RAPGEFL1: variants seen among roughly 807,000 people sequenced by gnomAD.
RAPGEFL1 encodes the protein rap guanine nucleotide exchange factor-like 1.
A neutral mutation model predicts 64.4 loss-of-function variants in RAPGEFL1; 31 were observed. That is an observed-to-expected ratio of 0.48 (90% confidence interval 0.36 to 0.65). The LOEUF is 0.65. RAPGEFL1 is among the 30% of genes least tolerant of loss of function. The pLI, the probability that RAPGEFL1 is intolerant of heterozygous loss-of-function variation, is 0.00. For synonymous variants in RAPGEFL1, 331 were observed against 274.1 expected (o/e 1.21, Z -2.05); for missense variants, 682 against 677.4 (o/e 1.01, Z -0.08).
rs1163161075 is a variant in RAPGEFL1 at position 40,191,896 on chromosome 17, G to A, written c.1605+224G>A. Among the ~76,000 whole-genome samples, 1 of 152,238 alleles carries A rather than the reference G, an allele frequency of 6.6e-6. No individual in the cohort carries two copies. Among genetic ancestry groups the A allele is most frequent in the Non-Finnish European group, 1.5e-5 (1 of 68,040 alleles). On this transcript the variant is annotated intron_variant, in intron 10 of 14. Coordinates refer to ENST00000620260, the MANE Select transcript of RAPGEFL1 (RefSeq NM_016339.6). This position sits in a 1 kb window ranked among gnomAD's most constrained non-coding sequence, Gnocchi z 5.1. ...GATCCCGCCTGAGTCACGGCAGGCA[G>A]CCCTTGGCCAGGTCAGGTCGCAGAC... is the stretch of plus-strand genomic sequence containing the variant.
rs1296384483 is a variant in RAPGEFL1, at chr17:40,191,550, C to T, written c.1515-32C>T. ...CGGAGGCCGGAGGCCCGCGCCGCCG[C>T]CCGCCCCTGACCCCGCCTCCCACCC... On this transcript the variant is annotated intron_variant, in intron 9 of 14. Coordinates refer to ENST00000620260, the MANE Select transcript of RAPGEFL1 (RefSeq NM_016339.6). This position sits in a 1 kb window ranked among gnomAD's most constrained non-coding sequence, Gnocchi z 5.1. 1.9e-6 allele frequency: 3 copies of T among 1,563,316 alleles called. No individual in the cohort carries two copies. Among genetic ancestry groups the T allele is most frequent in the Middle Eastern group, 2.2e-4 (1 of 4,540 alleles).
In RAPGEFL1 at chr17:40,194,235, G is replaced by C. The variant is rs1203686691; in HGVS notation, c.*447G>C. ...ACCCCCAGGAATATTATGTTGCCGTGTGTGTGTGTGTGTGTGTGTGTGTGT... is the reference window on the plus strand; with the variant it reads ...ACCCCCAGGAATATTATGTTGCCGTCTGTGTGTGTGTGTGTGTGTGTGTGT... On this transcript the variant is annotated 3_prime_UTR_variant, in exon 15 of 15. Transcript: ENST00000620260. 9.1e-5 allele frequency: 1 copy of C among 10,980 alleles called. No homozygotes were observed. The highest frequency in any genetic ancestry group is 1.6e-3 in the Admixed American group (1 of 640). The allele number at this position is 10,980 out of a possible 1,614,324, so 0.7% of individuals were successfully genotyped here. A position where few individuals can be genotyped will look rare whatever the true frequency, so the allele number is the denominator to read the frequency against.
intron 7 of RAPGEFL1, 53 bp downstream of exon 7, chr17:40,190,584 G>A: frequency 6.2e-7 from 1 of 1,614,092 alleles, no homozygotes; most frequent in South Asian, 1.1e-5. Flanking sequence ...AGGGCTGTGA[G>A]CAATCCCTCA....
Position 40,193,981 on chromosome 17 carries a change from C to T in RAPGEFL1, c.*193C>T, listed in dbSNP as rs1056399697. On this transcript the variant is annotated 3_prime_UTR_variant, in exon 15 of 15. Transcript: ENST00000620260. Reference sequence around the variant, plus strand: ...TGAAGTCCCCTCCCCATTGCTCCTTCAAGCCAAAACTACACTTTGCTGGTT... The same window carrying T: ...TGAAGTCCCCTCCCCATTGCTCCTTTAAGCCAAAACTACACTTTGCTGGTT... 37 of 661,062 alleles carry T rather than the reference C, an allele frequency of 5.6e-5. No homozygotes were observed. The African/African-American group carries it at 6.6e-4, about 12-fold the overall frequency. 40.9% of individuals were successfully genotyped at this position (661,062 alleles called of 1,614,324 possible). A position where few individuals can be genotyped will look rare whatever the true frequency, so the allele number is the denominator to read the frequency against.
At chr17:40,183,820 CTTTTTTTTTTTTGCCTTTTTTTT>C (rs1405509675) in intron 2 of RAPGEFL1, among the ~76,000 whole-genome samples, 20 of 95,148 alleles carry the variant, frequency 2.1e-4, no homozygotes, top group African/African-American at 7.8e-4. Flanking sequence ...CGCGCCTGGC[CTTTTTTTTTTTTGCCTTTTTTTT>C]TTTTTTTTTT....
At chr17:40,184,848 C>T (rs943796114) in intron 4 of RAPGEFL1, among the ~76,000 whole-genome samples, 170 bp downstream of exon 4, 7 of 152,078 alleles carry the variant, frequency 4.6e-5, no homozygotes, top group African/African-American at 1.4e-4. Flanking sequence ...GGTGCGATCT[C>T]GGCTCACAGC....
At chr17:40,177,180 T>C (rs1175876844), upstream of RAPGEFL1, 7 of 702,494 alleles carry the variant, frequency 1.0e-5, no homozygotes, top group African/African-American at 3.5e-5. Context: ...CTGACTTGGG[T>C]ACACAGGTAG....
chr17:40,192,531 G>C, intron 11 of RAPGEFL1, 75 bp from the exon 12 acceptor site: 3 of 1,284,820 alleles, frequency 2.3e-6, no homozygotes, highest in Non-Finnish European at 3.4e-6. Context: ...GGCAGGGGGT[G>C]AGGGAGGAAG....
chr17:40,192,524 A>AG, intron 11 of RAPGEFL1, 82 bp from the exon 12 acceptor site: 3 of 1,221,988 alleles, frequency 2.5e-6, no homozygotes, highest in Non-Finnish European at 3.6e-6. Flanking sequence ...TATACAAGGC[A>AG]GGGGGTGAGG....
intron 4 of RAPGEFL1, among the ~76,000 whole-genome samples, chr17:40,188,283 C>T (rs1990147449): frequency 6.6e-6 from 1 of 152,124 alleles, no homozygotes; most frequent in African/African-American, 2.4e-5. Flanking sequence ...TGAAAACTTC[C>T]CAGATCTTCC....
In RAPGEFL1 at chr17:40,191,383, T is replaced by G. The variant is rs1353410029; in HGVS notation, c.1403T>G (p.Leu468Arg). The change falls in exon 9 of 15, where the codon CTG (leucine) becomes CGG (arginine). Residue 468 changes from leucine to arginine, a missense_variant. Physicochemically the swap from Leu to Arg is moderately radical, Grantham distance 102 (BLOSUM62 -2). Coordinates refer to ENST00000620260, the MANE Select transcript of RAPGEFL1 (RefSeq NM_016339.6). The surrounding 1 kb of genome is among the most constrained non-coding windows in gnomAD (Gnocchi z 5.1). ...GRRETANLELLLQRCSEVTHW... is the reference protein window; with the variant it reads ...GRRETANLELRLQRCSEVTHW... ...CGGGAGACGGCCAACTTGGAGCTGCTGCTGCAGCGCTGCAGCGAGGTCACG... is the reference window on the plus strand; with the variant it reads ...CGGGAGACGGCCAACTTGGAGCTGCGGCTGCAGCGCTGCAGCGAGGTCACG... 6.3e-7 allele frequency: 1 copy of G among 1,599,668 alleles called. No individual in the cohort carries two copies. The highest frequency in any genetic ancestry group is 1.3e-5 in the African/African-American group (1 of 74,648).
chr17:40,191,111 T>G lies in RAPGEFL1; in HGVS notation c.1336-205T>G. On this transcript the variant is annotated intron_variant, in intron 8 of 14. Coordinates refer to ENST00000620260, the MANE Select transcript of RAPGEFL1 (RefSeq NM_016339.6). This position sits in a 1 kb window ranked among gnomAD's most constrained non-coding sequence, Gnocchi z 5.1. Reference sequence around the variant, plus strand: ...CGAATGCCTGGCACCTAGTAAGTGCTCAGTAGCTGGTGAAATATTATTAAT... The same window carrying G: ...CGAATGCCTGGCACCTAGTAAGTGCGCAGTAGCTGGTGAAATATTATTAAT... 3.3e-6 allele frequency: 2 copies of G among 609,576 alleles called. No individual in the cohort carries two copies. Among genetic ancestry groups the G allele is most frequent in the Non-Finnish European group, 5.6e-6 (2 of 355,096 alleles). 37.8% of individuals were successfully genotyped at this position (609,576 alleles called of 1,614,324 possible).
Position 40,195,274 on chromosome 17 carries a change from A to G in RAPGEFL1, c.*1486A>G, listed in dbSNP as rs1403057041. On this transcript the variant is annotated 3_prime_UTR_variant, in exon 15 of 15. Transcript: ENST00000620260. ...CTTGTTCCTGCAGCAAAAATCCTCT[A>G]TGGACATAGGAGGTGCTGTGTCCCA... is the stretch of plus-strand genomic sequence containing the variant. 3 of 152,622 alleles carry G rather than the reference A, an allele frequency of 2.0e-5. No individual in the cohort carries two copies. The highest frequency in any genetic ancestry group is 4.8e-5 in the African/African-American group (2 of 41,402). The allele number at this position is 152,622 out of a possible 1,614,324, so 9.5% of individuals were successfully genotyped here. A position where few individuals can be genotyped will look rare whatever the true frequency, so the allele number is the denominator to read the frequency against.
At chr17:40,178,503 A>G (rs1989795055) in intron 1 of RAPGEFL1, 122 bp downstream of exon 1, 1 of 417,430 alleles carries the variant, frequency 2.4e-6, no homozygotes. Flanking sequence ...TGGTCCGCGG[A>G]AGCCGGCTAG....
At chr17:40,187,613 GTTTTC>G (rs904899183) in intron 4 of RAPGEFL1, among the ~76,000 whole-genome samples, 46 of 151,230 alleles carry the variant, frequency 3.0e-4, no homozygotes, top group African/African-American at 1.0e-3. Context: ...CTCCCACCAT[GTTTTC>G]TTTTTTTTTT....
In RAPGEFL1 at chr17:40,192,278, C is replaced by T. The variant is rs367779295; in HGVS notation, c.1656+15C>T. ...AGAACCTGACGGTGAGTGGGTTTGG[C>T]TCTTTCTTCTGCTCTTGGACTGAGA... On this transcript the variant is annotated intron_variant, in intron 11 of 14. Transcript: ENST00000620260. 2 of 1,612,556 alleles carry T rather than the reference C, an allele frequency of 1.2e-6. No individual in the cohort carries two copies. Among genetic ancestry groups the T allele is most frequent in the Non-Finnish European group, 8.5e-7 (1 of 1,178,676 alleles).
intron 10 of RAPGEFL1, 29 bp from the exon 11 acceptor site, chr17:40,192,184 A>T: frequency 6.2e-7 from 1 of 1,607,730 alleles, no homozygotes; most frequent in African/African-American, 1.3e-5. Context: ...CCACTCTGAT[A>T]TCCCTTCTCC....
rs995840862 is a variant in RAPGEFL1 at position 40,184,605 on chromosome 17, G to A, written c.760G>A (p.Asp254Asn). ...GGATCTATACCTGCTAATTATGAAG[G>A]ACGAGTCCCTTTACCAGGGCCTCCG... The part of the protein sequence containing the change: ...IKDLYLLIMK[D>N]ESLYQGLRED... The change falls in exon 4 of 15, where the codon GAC (aspartate) becomes AAC (asparagine). Residue 254 changes from aspartate (D) to asparagine (N), a missense_variant. Coordinates refer to ENST00000620260, the MANE Select transcript of RAPGEFL1 (RefSeq NM_016339.6). The A allele has an allele frequency of 4.4e-6, 7 of 1,573,126 alleles. No homozygotes were observed. Among genetic ancestry groups the A allele is most frequent in the Admixed American group, 1.7e-5 (1 of 57,630 alleles).
Position 40,186,574 on chromosome 17 carries a change from CAAAAAAAAAAAAAAAAAA to C in RAPGEFL1, c.833+1914_833+1931del, listed in dbSNP as rs146110920. ...TGGGCGACAGAGCGAGACTCCGTCT[CAAAAAAAAAAAAAAAAAA>C]AAAAAAAAAAAAAAAAAGAGGTGGG... On this transcript the variant is annotated intron_variant, in intron 4 of 14. Coordinates refer to ENST00000620260, the MANE Select transcript of RAPGEFL1 (RefSeq NM_016339.6). 1.5e-3 allele frequency among the ~76,000 whole-genome samples: 39 copies of C among 26,300 alleles called. 3 individuals are homozygous for C. The East Asian group carries it at 0.058, about 39-fold the overall frequency. 17.3% of individuals were successfully genotyped at this position (26,300 alleles called of 152,430 possible).
Sources: gnomAD v4.1 joint callset for allele counts (sites outside exome capture counted in the v4.1 genomes callset) on GRCh38, gnomAD v4.1.1 for gene constraint, Gnocchi (gnomAD v3.1) non-coding constraint, MANE v1.5 for transcripts, NCBI Gene and HGNC (gene_info 2026-07-23, HGNC 2026-07-21) for gene names.